The following SEMA5A variants were observed in gnomAD, a reference collection of about 807,000 sequenced individuals.
The protein encoded by SEMA5A is semaphorin-5A.
SEMA5A carries 55 observed loss-of-function variants against 135.5 expected under a neutral mutation model. The ratio of observed to expected loss-of-function variants is 0.41; its 90% CI spans 0.33 to 0.51. The LOEUF is 0.51. SEMA5A is among the 20% of genes least tolerant of loss of function. The pLI is 0.37. For synonymous variants in SEMA5A, 580 were observed against 546.5 expected (o/e 1.06, Z -0.85); for missense variants, 1,290 against 1,419.9 (o/e 0.91, Z 1.47).
intron 1 of SEMA5A, among the ~76,000 whole-genome samples, chr5:9,527,747 T>C (rs1204440504): frequency 6.6e-6 from 1 of 152,154 alleles, no homozygotes; most frequent in African/African-American, 2.4e-5. Context: ...ATTGCTATCA[T>C]TTTAGAATTG....
At chr5:9,473,497 A>G (rs1465785769) in intron 1 of SEMA5A, among the ~76,000 whole-genome samples, 1 of 151,652 alleles carries the variant, frequency 6.6e-6, no homozygotes, top group African/African-American at 2.4e-5. Context: ...CAGGCTACCA[A>G]GACGAAGGCA....
At chr5:9,136,904 T>G (rs1741789054) in intron 12 of SEMA5A, among the ~76,000 whole-genome samples, 1 of 152,196 alleles carries the variant, frequency 6.6e-6, no homozygotes, top group Non-Finnish European at 1.5e-5. Flanking sequence ...CTGTCATAAA[T>G]AGTGCTAAAA....
intron 16 of SEMA5A, among the ~76,000 whole-genome samples, chr5:9,098,274 A>AATAC (rs1232916141): frequency 6.6e-6 from 1 of 151,666 alleles, no homozygotes; most frequent in East Asian, 1.9e-4. Flanking sequence ...TAAATAAATA[A>AATAC]ATAAAATGAA....
chr5:9,469,021 G>C (rs895118157), intron 1 of SEMA5A, among the ~76,000 whole-genome samples: 2 of 152,014 alleles, frequency 1.3e-5, no homozygotes, highest in African/African-American at 4.8e-5. Context: ...GTTTTGTTTT[G>C]TTTTTGAGAT....
intron 3 of SEMA5A, among the ~76,000 whole-genome samples, chr5:9,343,998 C>T (rs984431257): frequency 3.3e-5 from 5 of 152,164 alleles, no homozygotes; most frequent in Admixed American, 1.3e-4. Flanking sequence ...TTGTCTGGTG[C>T]CAGCGTGTGA....
chr5:9,475,253 T>C (rs1032066128), intron 1 of SEMA5A, among the ~76,000 whole-genome samples: 2 of 152,238 alleles, frequency 1.3e-5, no homozygotes, highest in Non-Finnish European at 2.9e-5. Flanking sequence ...TTAAATGTCA[T>C]GGCCTCACAG....
At chr5:9,402,865 C>T (rs12519176) in intron 2 of SEMA5A, among the ~76,000 whole-genome samples, 24,360 of 152,174 alleles carry the variant, frequency 0.16, 2,291 homozygotes, top group South Asian at 0.25. Context: ...CATGTATCCT[C>T]AACATGGCTT....
chr5:9,103,989 A>G (rs1486967700), intron 16 of SEMA5A, among the ~76,000 whole-genome samples: 1 of 152,198 alleles, frequency 6.6e-6, no homozygotes. Flanking sequence ...AGAAAGACAA[A>G]AAGCTCCTCC....
intron 2 of SEMA5A, among the ~76,000 whole-genome samples, chr5:9,396,758 C>T (rs1398726238): frequency 3.3e-5 from 5 of 152,166 alleles, no homozygotes; most frequent in Non-Finnish European, 7.3e-5. Flanking sequence ...CGGTTTTCTT[C>T]TGCCTCCCAA....
chr5:9,174,928 G>A (rs1744123964), intron 11 of SEMA5A, among the ~76,000 whole-genome samples: 1 of 152,172 alleles, frequency 6.6e-6, no homozygotes, highest in Non-Finnish European at 1.5e-5. Flanking sequence ...GTGGTGATCT[G>A]AGCTTGGAGT....
rs1212602909 is a variant in SEMA5A, at chr5:9,035,627, A to T, written c.*7270T>A. 1 of 152,208 alleles carries T rather than the reference A, an allele frequency of 6.6e-6. No individual in the cohort carries two copies. The highest frequency in any genetic ancestry group is 2.4e-5 in the African/African-American group (1 of 41,458). The allele number at this position is 152,208 out of a possible 1,614,324, so 9.4% of individuals were successfully genotyped here. A position where few individuals can be genotyped will look rare whatever the true frequency, so the allele number is the denominator to read the frequency against. The stretch of plus-strand genomic sequence containing the variant: ...GCATTTACAACCAGTGAATTGATGG[A>T]CAGGAAAGATAAAAGTCATGAACAT... On this transcript the variant is annotated 3_prime_UTR_variant, in exon 23 of 23. Coordinates refer to ENST00000382496, the MANE Select transcript of SEMA5A (RefSeq NM_003966.3).
chr5:9,151,221 T>C lies in SEMA5A; in HGVS notation c.1481+3267A>G, dbSNP rs563890974. ...TATCAGTTATCATTTATACACATTT[T>C]AATAAATGTCATTGTGCATTGTCTT... On this transcript the variant is annotated intron_variant, in intron 12 of 22. Coordinates refer to ENST00000382496, the MANE Select transcript of SEMA5A (RefSeq NM_003966.3). Among the ~76,000 whole-genome samples the C allele has an allele frequency of 3.3e-5, 5 of 152,340 alleles. No homozygotes were observed. In the South Asian group the frequency reaches 1.0e-3, roughly 32 times the overall value.
At position 9,054,084 on chromosome 5, in the gene SEMA5A, T is replaced by C; in HGVS notation, c.2689+3A>G. On this transcript the variant is annotated splice_donor_region_variant and intron_variant, in intron 19 of 22. Coordinates refer to ENST00000382496, the MANE Select transcript of SEMA5A (RefSeq NM_003966.3). The stretch of plus-strand genomic sequence containing the variant: ...GCTGTGCAGTAGGTGAGGTGCCGCT[T>C]ACCTGGGCAGGGCTGCGTGTTGCAG... 1 of 1,603,734 alleles carries C rather than the reference T, an allele frequency of 6.2e-7. No individual in the cohort carries two copies. The highest frequency in any genetic ancestry group is 8.5e-7 in the Non-Finnish European group (1 of 1,176,298).
chr5:9,206,624 T>C (rs1351396608), intron 8 of SEMA5A, among the ~76,000 whole-genome samples: 2 of 152,086 alleles, frequency 1.3e-5, no homozygotes, highest in Non-Finnish European at 2.9e-5. Context: ...AGATCTTTAA[T>C]AGGTTCTTGA....
At chr5:9,067,472 T>G (rs1408854696) in intron 16 of SEMA5A, among the ~76,000 whole-genome samples, 1 of 152,204 alleles carries the variant, frequency 6.6e-6, no homozygotes, top group Non-Finnish European at 1.5e-5. Context: ...CGGGTTTCAC[T>G]GGAGGGAAAC....
chr5:9,088,643 T>TATATAC (rs1738850548), intron 16 of SEMA5A, among the ~76,000 whole-genome samples: 1 of 112,774 alleles, frequency 8.9e-6, no homozygotes, highest in South Asian at 2.8e-4. Flanking sequence ...TTATAATATA[T>TATATAC]ATATATATAT....
chr5:9,370,615 A>G (rs908487263), intron 3 of SEMA5A, among the ~76,000 whole-genome samples: 2 of 152,240 alleles, frequency 1.3e-5, no homozygotes, highest in Non-Finnish European at 2.9e-5. Context: ...AAGATTCAAG[A>G]AAATACAAAT....
intron 4 of SEMA5A, among the ~76,000 whole-genome samples, chr5:9,319,910 T>A (rs1752551516): frequency 6.6e-6 from 1 of 151,958 alleles, no homozygotes; most frequent in Non-Finnish European, 1.5e-5. Context: ...CCCAAGGGCA[T>A]AGCCTTGAGA....
At chr5:9,221,496 G>A (rs530933350) in intron 8 of SEMA5A, among the ~76,000 whole-genome samples, 62 of 151,756 alleles carry the variant, frequency 4.1e-4, no homozygotes, top group African/African-American at 1.1e-3. Flanking sequence ...TAGAGACGGG[G>A]TTTCACAGTG....
Sources: allele counts gnomAD v4.1 joint callset (sites outside exome capture counted in the v4.1 genomes callset), GRCh38; gene constraint gnomAD v4.1.1; transcripts MANE v1.5; gene names NCBI Gene and HGNC (gene_info 2026-07-23, HGNC 2026-07-21).